CAMK1D: variants seen among roughly 807,000 people sequenced by gnomAD.
The protein encoded by CAMK1D is calcium/calmodulin dependent protein kinase ID.
Under a neutral mutation model 47.7 loss-of-function variants are expected in CAMK1D, and 9 were observed. That is an observed-to-expected ratio of 0.19 (90% CI 0.11 to 0.33). The LOEUF is 0.33. CAMK1D is among the 10% of genes least tolerant of loss of function. CAMK1D has a pLI of 1.00. For synonymous variants in CAMK1D, 184 were observed against 184.9 expected (o/e 0.99, Z 0.04); for missense variants, 291 against 488.7 (o/e 0.60, Z 3.81).
chr10:12,566,632 G>T (rs1837133067), intron 2 of CAMK1D, among the ~76,000 whole-genome samples: 1 of 152,200 alleles, frequency 6.6e-6, no homozygotes, highest in African/African-American at 2.4e-5. Flanking sequence ...AGGTCATGGA[G>T]CTAAGCCGGG....
intron 2 of CAMK1D, among the ~76,000 whole-genome samples, chr10:12,583,784 A>G (rs536768010): frequency 6.6e-6 from 1 of 152,114 alleles, no homozygotes; most frequent in Non-Finnish European, 1.5e-5. Flanking sequence ...TATTTTTAGT[A>G]GAGATGGGGT....
At chr10:12,422,114 A>G (rs1840073154) in intron 1 of CAMK1D, among the ~76,000 whole-genome samples, 1 of 151,512 alleles carries the variant, frequency 6.6e-6, no homozygotes, top group South Asian at 2.1e-4. Context: ...CAGTCTTGGG[A>G]CACTTTTTGA....
intron 1 of CAMK1D, among the ~76,000 whole-genome samples, chr10:12,449,202 G>A (rs1833008192): frequency 6.6e-6 from 1 of 152,110 alleles, no homozygotes; most frequent in Admixed American, 6.6e-5. Flanking sequence ...GGCCAACCTA[G>A]CAAGTTACTC....
At chr10:12,402,143 T>C (rs1002894864) in intron 1 of CAMK1D, among the ~76,000 whole-genome samples, 3 of 152,054 alleles carry the variant, frequency 2.0e-5, no homozygotes, top group Non-Finnish European at 1.5e-5. Context: ...GGTTTTGCCA[T>C]GTTGGCCAGG....
chr10:12,495,156 T>C (rs958480557), intron 1 of CAMK1D, among the ~76,000 whole-genome samples: 9 of 152,242 alleles, frequency 5.9e-5, no homozygotes, highest in African/African-American at 1.7e-4. Flanking sequence ...AGGTGAATTC[T>C]GAAGCAAGCA....
chr10:12,639,629 A>G (rs1392230267), intron 2 of CAMK1D, among the ~76,000 whole-genome samples: 1 of 152,096 alleles, frequency 6.6e-6, no homozygotes, highest in Non-Finnish European at 1.5e-5. Context: ...TCTAGCACAC[A>G]ATCACGTGTA....
intron 2 of CAMK1D, among the ~76,000 whole-genome samples, chr10:12,656,633 C>A (rs911456733): frequency 6.6e-6 from 1 of 152,176 alleles, no homozygotes. Context: ...TAAAAAACAA[C>A]AACAAAACTA....
At position 12,520,110 on chromosome 10, in the gene CAMK1D, C is replaced by T. The variant is rs1378017186; in HGVS notation, c.93-33115C>T. 2.5e-5 allele frequency among the ~76,000 whole-genome samples: 2 copies of T among 80,686 alleles called. 1 individual carries two copies. 52.9% of individuals were successfully genotyped at this position (80,686 alleles called of 152,430 possible). ...CCTCCCGGACGGGGTGGCTGCCGGG[C>T]GGAGAGGCTCCTCACTTCCCAGATG... is the stretch of plus-strand genomic sequence containing the variant. On this transcript the variant is annotated intron_variant, in intron 1 of 10. Coordinates refer to ENST00000619168, the MANE Select transcript of CAMK1D (RefSeq NM_153498.4).
chr10:12,626,684 A>G (rs900100298), intron 2 of CAMK1D, among the ~76,000 whole-genome samples: 1 of 152,188 alleles, frequency 6.6e-6, no homozygotes, highest in Non-Finnish European at 1.5e-5. Flanking sequence ...CATGTTGGCC[A>G]GGCTGGCCTC....
At chr10:12,745,060 T>TC (rs1317280139) in intron 3 of CAMK1D, among the ~76,000 whole-genome samples, 1 of 152,256 alleles carries the variant, frequency 6.6e-6, no homozygotes, top group Admixed American at 6.5e-5. Flanking sequence ...CATTGAACAG[T>TC]CTCGCCATCG....
chr10:12,797,830 G>A (rs535080580), intron 6 of CAMK1D, among the ~76,000 whole-genome samples: 14 of 152,272 alleles, frequency 9.2e-5, no homozygotes, highest in Non-Finnish European at 1.8e-4. Context: ...GCTTTGTTAA[G>A]CTGAGGCAAG....
chr10:12,500,790 A>G (rs897313001), intron 1 of CAMK1D, among the ~76,000 whole-genome samples: 2 of 152,268 alleles, frequency 1.3e-5, no homozygotes, highest in Non-Finnish European at 1.5e-5. Context: ...TGAAGTACAC[A>G]GGTATGTTGT....
At chr10:12,723,866 C>T (rs1375029991) in intron 3 of CAMK1D, among the ~76,000 whole-genome samples, 1 of 152,088 alleles carries the variant, frequency 6.6e-6, no homozygotes, top group Non-Finnish European at 1.5e-5. Flanking sequence ...CCCATTAACT[C>T]GTCATTTACA....
intron 1 of CAMK1D, among the ~76,000 whole-genome samples, chr10:12,356,721 C>CAAAAAAA (rs71384311): frequency 2.7e-5 from 2 of 74,970 alleles, no homozygotes; most frequent in African/African-American, 1.0e-4. Context: ...GACTCCATTT[C>CAAAAAAA]AAAAAAAAAA....
chr10:12,540,004 C>T (rs908821615), intron 1 of CAMK1D, among the ~76,000 whole-genome samples: 8 of 152,136 alleles, frequency 5.3e-5, no homozygotes, highest in Admixed American at 5.2e-4. Flanking sequence ...ACTTTGAACT[C>T]CTGGGCTCAG....
chr10:12,380,652 C>G lies in CAMK1D; in HGVS notation c.92+30742C>G, dbSNP rs187107232. Among the ~76,000 whole-genome samples the G allele has an allele frequency of 5.6e-4, 86 of 152,214 alleles. No homozygotes were observed. In the East Asian group the frequency reaches 6.4e-3, roughly 11 times the overall value. ...GCGGGCGGATCACGAGGTCAGAGAT[C>G]GAGACCATCCTGGCTAACACGGTGA... On this transcript the variant is annotated intron_variant, in intron 1 of 10. Transcript: ENST00000619168.
At chr10:12,417,544 G>T (rs2131957917) in intron 1 of CAMK1D, among the ~76,000 whole-genome samples, 1 of 152,282 alleles carries the variant, frequency 6.6e-6, no homozygotes, top group South Asian at 2.1e-4. Context: ...GCTCCGGCTG[G>T]GGTGGGGAGA....
At chr10:12,500,283 A>G (rs1194079517) in intron 1 of CAMK1D, among the ~76,000 whole-genome samples, 1 of 152,074 alleles carries the variant, frequency 6.6e-6, no homozygotes, top group Admixed American at 6.6e-5. Flanking sequence ...ACAAAACAAA[A>G]ACAAAAACAA....
At chr10:12,626,735 A>G (rs1020114471) in intron 2 of CAMK1D, among the ~76,000 whole-genome samples, 4 of 152,262 alleles carry the variant, frequency 2.6e-5, no homozygotes, top group Admixed American at 6.5e-5. Flanking sequence ...TCGGCCTCCC[A>G]AAGTGCTGGG....
Sources: gnomAD v4.1 joint callset for allele counts (sites outside exome capture counted in the v4.1 genomes callset) on GRCh38, gnomAD v4.1.1 for gene constraint, MANE v1.5 for transcripts, NCBI Gene and HGNC (gene_info 2026-07-23, HGNC 2026-07-21) for gene names.